CCDC141: variants seen among roughly 807,000 people sequenced by gnomAD.
CCDC141 encodes the protein coiled-coil domain-containing protein 141.
Under a neutral mutation model 181.0 loss-of-function variants are expected in CCDC141, and 168 were observed. The ratio of observed to expected loss-of-function variants is 0.93; its 90% CI spans 0.82 to 1.05. The LOEUF (loss-of-function observed/expected upper bound fraction) is 1.05, where lower values mean the gene tolerates loss of function less well. Ranked by LOEUF, CCDC141 falls within the 50% of genes least tolerant of loss-of-function variation. The pLI is 0.00. For missense variants in CCDC141, 1,902 were observed against 1,788.5 expected (o/e 1.06, Z -1.14); for synonymous variants, 666 against 642.3 (o/e 1.04, Z -0.56).
At chr2:178,870,695 T>TCG (rs771469035) in intron 14 of CCDC141, among the ~76,000 whole-genome samples, 3 of 152,210 alleles carry the variant, frequency 2.0e-5, no homozygotes, top group Non-Finnish European at 4.4e-5. Flanking sequence ...AAAGGAATCT[T>TCG]CAATATTCTG....
intron 9 of CCDC141, among the ~76,000 whole-genome samples, chr2:178,888,191 T>C (rs1377762913): frequency 6.6e-6 from 1 of 152,154 alleles, no homozygotes; most frequent in Non-Finnish European, 1.5e-5. Flanking sequence ...TAACAGAAAC[T>C]TGTGCATATT....
Position 178,862,394 on chromosome 2 carries a change from C to G in CCDC141, c.2724+3373G>C, listed in dbSNP as rs564426330. Among the ~76,000 whole-genome samples, 4 of 152,264 alleles carry G rather than the reference C, an allele frequency of 2.6e-5. No homozygotes were observed. The East Asian group carries it at 7.7e-4, about 29-fold the overall frequency. ...GCCTCGAGTTACAAATTTCCATTAA[C>G]ATCATGTAAATGTAAAGGTACTGTT... On this transcript the variant is annotated intron_variant, in intron 17 of 23. Transcript: ENST00000443758.
At chr2:179,021,574 C>T (rs1007795100) in intron 2 of CCDC141, among the ~76,000 whole-genome samples, 2 of 152,106 alleles carry the variant, frequency 1.3e-5, no homozygotes, top group Non-Finnish European at 2.9e-5. Flanking sequence ...TCAGGGGCTC[C>T]TGTGCTAAAA....
chr2:178,969,063 A>G (rs1418531247), intron 4 of CCDC141, among the ~76,000 whole-genome samples: 2 of 149,432 alleles, frequency 1.3e-5, no homozygotes, highest in South Asian at 2.2e-4. Context: ...TACACCAATA[A>G]CAAGTTCTGA....
At chr2:178,900,012 C>A (rs1687609661) in intron 8 of CCDC141, among the ~76,000 whole-genome samples, 1 of 152,104 alleles carries the variant, frequency 6.6e-6, no homozygotes, top group Admixed American at 6.6e-5. Context: ...TATTCTAGAT[C>A]TACCTTCTGA....
chr2:178,972,761 ATTG>A (rs1690952519), intron 4 of CCDC141, among the ~76,000 whole-genome samples: 1 of 152,148 alleles, frequency 6.6e-6, no homozygotes, highest in South Asian at 2.1e-4. Context: ...TCTTTCAAGG[ATTG>A]TTATGTGGTG....
At chr2:179,032,659 T>A (rs1326747043) in intron 2 of CCDC141, among the ~76,000 whole-genome samples, 2 of 152,148 alleles carry the variant, frequency 1.3e-5, no homozygotes, top group Non-Finnish European at 2.9e-5. Context: ...GCATTAACTC[T>A]TCATCATCCT....
At chr2:178,893,821 A>ACG (rs373133646) in intron 8 of CCDC141, among the ~76,000 whole-genome samples, 5 of 130,602 alleles carry the variant, frequency 3.8e-5, no homozygotes, top group African/African-American at 1.6e-4. Flanking sequence ...ACACACACAC[A>ACG]CGCACACACA....
rs1421188181 is a variant in CCDC141 at position 178,832,009 on chromosome 2, G to GC, written c.*2163dup. 6 of 152,092 alleles carry GC rather than the reference G, an allele frequency of 3.9e-5. No homozygotes were observed. Among genetic ancestry groups the GC allele is most frequent in the Non-Finnish European group, 5.9e-5 (4 of 68,044 alleles). The allele number at this position is 152,092 out of a possible 1,614,324, so 9.4% of individuals were successfully genotyped here. ...GAGAAAGCAAACCAGGAATTCCCAT[G>GC]CCCTAACAACCCCAACACACAAATT... On this transcript the variant is annotated 3_prime_UTR_variant, in exon 24 of 24. Coordinates refer to ENST00000443758, the MANE Select transcript of CCDC141 (RefSeq NM_173648.4).
chr2:178,819,735 C>A, the CCDC141 span, among the ~76,000 whole-genome samples: 39 of 152,148 alleles, frequency 2.6e-4, no homozygotes, highest in Non-Finnish European at 4.1e-4. Flanking sequence ...GACAACCCCC[C>A]AAACACACAG....
At chr2:178,857,166 T>TAA (rs1685423730) in intron 17 of CCDC141, among the ~76,000 whole-genome samples, 1 of 152,136 alleles carries the variant, frequency 6.6e-6, no homozygotes, top group South Asian at 2.1e-4. Context: ...CCCAGATCTC[T>TAA]CTATCTTTTA....
At chr2:178,944,476 A>G (rs1324833458) in intron 6 of CCDC141, 59 bp downstream of exon 6, 8 of 746,790 alleles carry the variant, frequency 1.1e-5, no homozygotes, top group Non-Finnish European at 1.6e-5. Context: ...ACAGAAGTAT[A>G]TTCAAGAAAA....
intron 10 of CCDC141, 81 bp from the exon 11 acceptor site, chr2:178,885,173 C>T (rs2154370548): frequency 3.3e-6 from 3 of 896,488 alleles, no homozygotes; most frequent in Non-Finnish European, 5.0e-6. Context: ...TGCATATCCA[C>T]CAATTATGAT....
chr2:178,844,225 T>C (rs959059778), intron 22 of CCDC141, among the ~76,000 whole-genome samples: 8 of 152,188 alleles, frequency 5.3e-5, no homozygotes, highest in Admixed American at 1.3e-4. Flanking sequence ...GATAGGGTGT[T>C]GGAGTTAGTA....
At chr2:178,865,603 T>C (rs1478030493) in intron 17 of CCDC141, among the ~76,000 whole-genome samples, 164 bp downstream of exon 17, 1 of 152,220 alleles carries the variant, frequency 6.6e-6, no homozygotes, top group African/African-American at 2.4e-5. Context: ...ATCCCTGAGG[T>C]CACTGCTCAG....
chr2:178,837,545 G>T lies in CCDC141; in HGVS notation c.3674C>A (p.Ser1225Tyr), dbSNP rs773697882. The T allele has an allele frequency of 3.7e-6, 6 of 1,613,784 alleles. No individual in the cohort carries two copies. The highest frequency in any genetic ancestry group is 2.7e-5 in the African/African-American group (2 of 74,894). ...CTCCATGTCAGATGGTGCAAGAGGGGACTCAGGGCTTCCTGGGAGAGGAGG... is the reference window on the plus strand; with the variant it reads ...CTCCATGTCAGATGGTGCAAGAGGGTACTCAGGGCTTCCTGGGAGAGGAGG... Reference protein sequence around the residue: ...SLPPLPGSPESPLAPSDMEVE... With the variant: ...SLPPLPGSPEYPLAPSDMEVE... Residue 1225 changes from serine to tyrosine, a missense_variant, in exon 23 of 24, where the codon TCC becomes TAC. Coordinates refer to ENST00000443758, the MANE Select transcript of CCDC141 (RefSeq NM_173648.4).
intron 5 of CCDC141, among the ~76,000 whole-genome samples, chr2:178,945,721 T>G (rs1689700956): frequency 6.6e-6 from 1 of 152,144 alleles, no homozygotes; most frequent in South Asian, 2.1e-4. Context: ...CCAGCCTAGG[T>G]TGTCTTGCCT....
intron 5 of CCDC141, among the ~76,000 whole-genome samples, chr2:178,956,965 C>T (rs900381542): frequency 5.3e-5 from 8 of 152,186 alleles, no homozygotes; most frequent in Non-Finnish European, 8.8e-5. Context: ...CCACAAACTC[C>T]GCCTCCCAGG....
At chr2:179,034,771 T>G (rs1190443802) in intron 2 of CCDC141, among the ~76,000 whole-genome samples, 2 of 152,242 alleles carry the variant, frequency 1.3e-5, no homozygotes. Context: ...GGTGTATCTT[T>G]TTAATGATTG....
Sources: allele counts gnomAD v4.1 joint callset (sites outside exome capture counted in the v4.1 genomes callset), GRCh38; gene constraint gnomAD v4.1.1; transcripts MANE v1.5; gene names NCBI Gene and HGNC (gene_info 2026-07-23, HGNC 2026-07-21).